PLEKHG1: variants seen among roughly 807,000 people sequenced by gnomAD.
PLEKHG1 encodes pleckstrin homology and RhoGEF domain containing G1, also known as pleckstrin homology domain-containing family G member 1.
PLEKHG1 carries 44 observed loss-of-function variants against 100.8 expected under a neutral mutation model. That is an observed-to-expected ratio of 0.44 (90% CI 0.34 to 0.56). The LOEUF (loss-of-function observed/expected upper bound fraction) is 0.56. PLEKHG1 is among the 20% of genes least tolerant of loss of function. The pLI, the probability that PLEKHG1 is intolerant of heterozygous loss-of-function variation, is 0.01. For missense variants in PLEKHG1, 1,545 were observed against 1,720.9 expected (o/e 0.90, Z 1.81); for synonymous variants, 640 against 662.5 (o/e 0.97, Z 0.52).
chr6:150,599,983 GCGC>G (rs1447303252), exon 1 of PLEKHG1: 2 of 232,830 alleles, frequency 8.6e-6, no homozygotes, highest in Non-Finnish European at 1.8e-5. Context: ...CGACCTGCGA[GCGC>G]CGCCCGGGCA....
intron 2 of PLEKHG1, among the ~76,000 whole-genome samples, chr6:150,752,845 C>A (rs1414600798): frequency 4.6e-5 from 7 of 152,162 alleles, no homozygotes; most frequent in African/African-American, 1.7e-4. Context: ...GGTACAGTGG[C>A]TCGTGCCTGT....
At chr6:150,801,828 C>T (rs1240147287) in intron 6 of PLEKHG1, among the ~76,000 whole-genome samples, 1 of 148,280 alleles carries the variant, frequency 6.7e-6, no homozygotes, top group Non-Finnish European at 1.5e-5. Context: ...GTAAGTAGGG[C>T]TTGCTTACTT....
At chr6:150,623,661 T>C (rs1477871081) in intron 1 of PLEKHG1, among the ~76,000 whole-genome samples, 1 of 152,174 alleles carries the variant, frequency 6.6e-6, no homozygotes, top group Non-Finnish European at 1.5e-5. Flanking sequence ...ACTGTACAAT[T>C]GTGGTGCTCT....
chr6:150,641,811 T>C (rs932281195), intron 2 of PLEKHG1, among the ~76,000 whole-genome samples: 1 of 148,264 alleles, frequency 6.7e-6, no homozygotes, highest in African/African-American at 2.5e-5. Context: ...TGTGATATAT[T>C]TGGAAGTTCT....
chr6:150,661,972 C>G (rs1397304970), intron 3 of PLEKHG1, among the ~76,000 whole-genome samples: 1 of 151,962 alleles, frequency 6.6e-6, no homozygotes, highest in Non-Finnish European at 1.5e-5. Context: ...AAGGTAGAGG[C>G]CAGGATCCCG....
chr6:150,764,547 C>T (rs1784359845), intron 2 of PLEKHG1, among the ~76,000 whole-genome samples: 2 of 152,234 alleles, frequency 1.3e-5, no homozygotes, highest in Admixed American at 6.5e-5. Flanking sequence ...TCTAGCAGTG[C>T]AGCCCCACCC....
At chr6:150,781,760 CCTTT>C (rs1016570916) in intron 3 of PLEKHG1, among the ~76,000 whole-genome samples, 5 of 151,406 alleles carry the variant, frequency 3.3e-5, no homozygotes, top group Admixed American at 3.3e-4. Flanking sequence ...TTTAAAAGAT[CCTTT>C]CTTTTTCTTT....
intron 1 of PLEKHG1, among the ~76,000 whole-genome samples, chr6:150,612,064 T>C (rs760946369): frequency 2.9e-4 from 31 of 106,694 alleles, no homozygotes; most frequent in Non-Finnish European, 2.7e-4. Flanking sequence ...CCCCCCCTTT[T>C]CTAGTTCTTA....
At chr6:150,776,471 C>G (rs919325130) in intron 3 of PLEKHG1, among the ~76,000 whole-genome samples, 1 of 132,734 alleles carries the variant, frequency 7.5e-6, no homozygotes, top group Non-Finnish European at 1.5e-5. Flanking sequence ...CACACTGATG[C>G]AATCCTGGCG....
At chr6:150,621,702 C>G (rs1197818252) in intron 1 of PLEKHG1, among the ~76,000 whole-genome samples, 1 of 152,116 alleles carries the variant, frequency 6.6e-6, no homozygotes, top group Non-Finnish European at 1.5e-5. Flanking sequence ...ACACTATAAG[C>G]CCGCAATTTG....
chr6:150,767,894 C>G (rs1784524438), intron 2 of PLEKHG1, among the ~76,000 whole-genome samples: 1 of 152,102 alleles, frequency 6.6e-6, no homozygotes, highest in Non-Finnish European at 1.5e-5. Flanking sequence ...CTACAGAATC[C>G]TTTTTCAAGT....
intron 3 of PLEKHG1, among the ~76,000 whole-genome samples, chr6:150,706,981 C>T (rs373460330): frequency 6.1e-4 from 31 of 50,848 alleles, no homozygotes; most frequent in South Asian, 2.2e-3. Context: ...TTTTTCTTTT[C>T]TTTTCTTTTT....
In PLEKHG1 at chr6:150,632,713, G is replaced by A. The variant is rs1777815275; in HGVS notation, c.-203-5367G>A. Among the ~76,000 whole-genome samples, 8 of 152,248 alleles carry A rather than the reference G, an allele frequency of 5.3e-5. No homozygotes were observed. In the South Asian group the frequency reaches 1.7e-3, roughly 32 times the overall value. On this transcript the variant is annotated intron_variant, in intron 1 of 3. Coordinates refer to the PLEKHG1 transcript ENST00000367326. ...TCTTACATGGGCAGTCTTGGTGACA[G>A]GATACTGATAGTTAAAAGACAAGGA...
At chr6:150,796,075 C>T (rs878923222) in intron 5 of PLEKHG1, among the ~76,000 whole-genome samples, 173 bp downstream of exon 6, 1 of 152,116 alleles carries the variant, frequency 6.6e-6, no homozygotes, top group East Asian at 1.9e-4. Flanking sequence ...GATATGGATC[C>T]GTCTGGGCTT....
At chr6:150,788,342 G>A (rs1187961749) in intron 4 of PLEKHG1, among the ~76,000 whole-genome samples, 1 of 152,186 alleles carries the variant, frequency 6.6e-6, no homozygotes, top group Non-Finnish European at 1.5e-5. Flanking sequence ...CAACTCTAGG[G>A]AGGAATGGAA....
rs535512319 is a variant in PLEKHG1, at chr6:150,767,977, T to G, written c.412-661T>G. On this transcript the variant is annotated intron_variant, in intron 2 of 15. Transcript: ENST00000358517. ...AGGGGCAGAAAGCAGCTTTCCTCTT[T>G]CTCAACAGTTCAAATAACTTCTAAG... 1.5e-4 allele frequency among the ~76,000 whole-genome samples: 23 copies of G among 152,334 alleles called. 1 individual carries two copies. The East Asian group carries it at 4.4e-3, about 29-fold the overall frequency.
At chr6:150,651,367 G>A (rs1778723471) in intron 3 of PLEKHG1, among the ~76,000 whole-genome samples, 1 of 151,894 alleles carries the variant, frequency 6.6e-6, no homozygotes, top group African/African-American at 2.4e-5. Flanking sequence ...CGGAGTAGTT[G>A]GGATAACAGG....
At chr6:150,657,724 G>A (rs1356890909) in intron 3 of PLEKHG1, among the ~76,000 whole-genome samples, 2 of 152,162 alleles carry the variant, frequency 1.3e-5, no homozygotes, top group South Asian at 2.1e-4. Context: ...GAATGTCATA[G>A]CCCCATGCAG....
At position 150,704,488 on chromosome 6, in the gene PLEKHG1, T is replaced by C. The variant is rs192227948; in HGVS notation, c.-98-29096T>C. On this transcript the variant is annotated intron_variant, in intron 3 of 3. Coordinates refer to the PLEKHG1 transcript ENST00000367326. Reference sequence around the variant, plus strand: ...CATCCTTGACCCCATCAAAGCGTTTTTCATTGGGATGATGGACTAGGGGAA... The same window carrying C: ...CATCCTTGACCCCATCAAAGCGTTTCTCATTGGGATGATGGACTAGGGGAA... 2.0e-5 allele frequency among the ~76,000 whole-genome samples: 3 copies of C among 152,356 alleles called. No individual in the cohort carries two copies. The East Asian group carries it at 5.8e-4, about 29-fold the overall frequency.
Sources: allele counts gnomAD v4.1 joint callset (sites outside exome capture counted in the v4.1 genomes callset), GRCh38; gene constraint gnomAD v4.1.1; transcripts MANE v1.5; gene names NCBI Gene and HGNC (gene_info 2026-07-23, HGNC 2026-07-21).